DAB2: variants seen among roughly 807,000 people sequenced by gnomAD.
The protein encoded by DAB2 is disabled homolog 2.
In DAB2, 28 loss-of-function variants were observed where a neutral mutation model predicts 71.6. That is an observed-to-expected ratio of 0.39 (90% CI 0.29 to 0.54). The LOEUF is 0.54. Ranked by LOEUF, DAB2 falls within the 20% of genes least tolerant of loss-of-function variation. The pLI is 0.68. For synonymous variants in DAB2, 345 were observed against 339.7 expected (o/e 1.02, Z -0.17); for missense variants, 867 against 928.8 (o/e 0.93, Z 0.86).
At chr5:39,386,083 C>CTTTCCA (rs1339694124) in intron 9 of DAB2, among the ~76,000 whole-genome samples, 15 of 152,198 alleles carry the variant, frequency 9.9e-5, no homozygotes, top group African/African-American at 3.6e-4. Context: ...CAGATCATGT[C>CTTTCCA]TTATATTCTT....
intron 7 of DAB2, 101 bp downstream of exon 7, chr5:39,388,991 AAACAC>A: frequency 7.5e-7 from 1 of 1,332,312 alleles, no homozygotes; most frequent in South Asian, 1.2e-5. Context: ...GAGAAGTCAT[AAACAC>A]ATAGTAATAA....
At chr5:39,399,547 A>C (rs974233374) in intron 1 of DAB2, among the ~76,000 whole-genome samples, 1 of 152,236 alleles carries the variant, frequency 6.6e-6, no homozygotes, top group Non-Finnish European at 1.5e-5. Flanking sequence ...GCTTCCATTT[A>C]AGTGAAGATC....
intron 1 of DAB2, among the ~76,000 whole-genome samples, chr5:39,418,597 G>T (rs1286770344): frequency 6.6e-6 from 1 of 152,144 alleles, no homozygotes; most frequent in Non-Finnish European, 1.5e-5. Flanking sequence ...CTCAGATGAG[G>T]TTTAAGTGGT....
In DAB2 at chr5:39,389,921, T is replaced by C. The variant is rs750647823; in HGVS notation, c.474A>G (p.Leu158=). Residue 158 remains leucine (L), a synonymous_variant, in exon 6 of 15, where the codon TTA becomes TTG. Coordinates refer to ENST00000320816, the MANE Select transcript of DAB2 (RefSeq NM_001343.4). ...AIKTGQQAEP[L]VVDLKDLFQV... Reference sequence around the variant, plus strand: ...GAAAAAGGTCTTTAAGATCAACAACTAATGGTTCAGCCTGCAGTAAGGGAA... The same window carrying C: ...GAAAAAGGTCTTTAAGATCAACAACCAATGGTTCAGCCTGCAGTAAGGGAA... 2 of 1,593,368 alleles carry C rather than the reference T, an allele frequency of 1.3e-6. No homozygotes were observed. The highest frequency in any genetic ancestry group is 1.7e-6 in the Non-Finnish European group (2 of 1,168,378).
At chr5:39,388,279 T>C (rs1484406231) in intron 9 of DAB2, 26 bp downstream of exon 9, 25 of 1,553,148 alleles carry the variant, frequency 1.6e-5, no homozygotes, top group Non-Finnish European at 2.0e-5. Flanking sequence ...TTTTATTACA[T>C]TGCAAATTTA....
chr5:39,410,420 A>C (rs951545463), intron 1 of DAB2, among the ~76,000 whole-genome samples: 15 of 152,200 alleles, frequency 9.9e-5, no homozygotes, highest in African/African-American at 3.4e-4. Context: ...AATATGAAGT[A>C]ATAGCCCATG....
chr5:39,423,067 A>C (rs972844674), intron 1 of DAB2, among the ~76,000 whole-genome samples: 16 of 152,160 alleles, frequency 1.1e-4, no homozygotes, highest in Admixed American at 7.2e-4. Flanking sequence ...TCTACCATCT[A>C]CTTATTCTGG....
intron 1 of DAB2, among the ~76,000 whole-genome samples, chr5:39,405,782 G>A (rs1298735776): frequency 1.3e-5 from 2 of 152,178 alleles, no homozygotes; most frequent in East Asian, 1.9e-4. Context: ...AAGTGATGTA[G>A]GGAAGAGAGA....
Position 39,383,190 on chromosome 5 carries a change from T to TTAAG in DAB2, c.765_768dup (p.Thr257LeufsTer22). 1 of 1,614,102 alleles carries TTAAG rather than the reference T, an allele frequency of 6.2e-7. No individual in the cohort carries two copies. The highest frequency in any genetic ancestry group is 1.1e-5 in the South Asian group (1 of 91,082). Reference sequence around the variant, plus strand: ...AGAGAACAGGAGGTGATGCCGTTTGTTAAGAATGGATTTTCTCTTAAAGAA... The same window carrying TTAAG: ...AGAGAACAGGAGGTGATGCCGTTTGTTAAGTAAGAATGGATTTTCTCTTAAAGAA... On this transcript the variant is annotated frameshift_variant, in exon 10 of 15. Transcript: ENST00000320816. LOFTEE classifies it high-confidence loss of function.
At position 39,389,943 on chromosome 5, in the gene DAB2, G is replaced by A; in HGVS notation, c.463-11C>T. ...AACTAATGGTTCAGCCTGCAGTAAG[G>A]GAAAGCACTGTTATCCGTATTTTAA... On this transcript the variant is annotated splice_polypyrimidine_tract_variant and intron_variant, in intron 5 of 14. Transcript: ENST00000320816. 2 of 1,528,716 alleles carry A rather than the reference G, an allele frequency of 1.3e-6. No homozygotes were observed. The allele number at this position is 1,528,716 out of a possible 1,614,324, so 94.7% of individuals were successfully genotyped here. A position where few individuals can be genotyped will look rare whatever the true frequency, so the allele number is the denominator to read the frequency against.
chr5:39,411,963 C>T (rs1755742551), intron 1 of DAB2, among the ~76,000 whole-genome samples: 1 of 151,994 alleles, frequency 6.6e-6, no homozygotes, highest in Non-Finnish European at 1.5e-5. Flanking sequence ...TGCATAGTAC[C>T]TCCAAAATAA....
intron 10 of DAB2, among the ~76,000 whole-genome samples, chr5:39,381,965 A>G (rs1350027018): frequency 6.6e-6 from 1 of 152,172 alleles, no homozygotes; most frequent in African/African-American, 2.4e-5. Flanking sequence ...TAAGCATCCT[A>G]AATATTTTTG....
intron 11 of DAB2, among the ~76,000 whole-genome samples, chr5:39,379,638 C>T (rs1327750538): frequency 6.6e-6 from 1 of 152,032 alleles, no homozygotes; most frequent in East Asian, 1.9e-4. Context: ...GGGTATAGAA[C>T]ATTAATTTTA....
intron 12 of DAB2, 22 bp from the exon 13 acceptor site, chr5:39,376,128 C>T (rs1579897287): frequency 6.3e-7 from 1 of 1,589,606 alleles, no homozygotes; most frequent in Admixed American, 1.7e-5. Context: ...AAAATCCAGG[C>T]AATCAGTAGA....
At chr5:39,399,826 A>G (rs1478430346) in intron 1 of DAB2, among the ~76,000 whole-genome samples, 1 of 152,244 alleles carries the variant, frequency 6.6e-6, no homozygotes, top group Non-Finnish European at 1.5e-5. Context: ...TTCAATTGCC[A>G]GCATGGTGGA....
At chr5:39,389,200 A>G in intron 6 of DAB2, 77 bp from the exon 7 acceptor site, 9 of 1,138,328 alleles carry the variant, frequency 7.9e-6, no homozygotes, top group Non-Finnish European at 1.2e-5. Flanking sequence ...AAGTATGCCT[A>G]TGGTTCACAG....
At chr5:39,410,459 C>G (rs3849761) in intron 1 of DAB2, among the ~76,000 whole-genome samples, 144,312 of 152,238 alleles carry the variant, frequency 0.95, 68,771 homozygotes, top group African/African-American at 0.99. Context: ...AAACCTTATA[C>G]TACTAGCCTG....
chr5:39,402,127 C>G (rs911152683), intron 1 of DAB2, among the ~76,000 whole-genome samples: 1 of 152,084 alleles, frequency 6.6e-6, no homozygotes. Flanking sequence ...ACCAAGAGAA[C>G]AGTATGGGGG....
intron 1 of DAB2, among the ~76,000 whole-genome samples, chr5:39,399,853 C>G (rs925213154): frequency 3.9e-5 from 6 of 152,178 alleles, no homozygotes; most frequent in Non-Finnish European, 8.8e-5. Flanking sequence ...TTAGTCTAGG[C>G]TTTATAGGGG....
Sources: gnomAD v4.1 joint callset for allele counts (sites outside exome capture counted in the v4.1 genomes callset) on GRCh38, gnomAD v4.1.1 for gene constraint, MANE v1.5 for transcripts, NCBI Gene and HGNC (gene_info 2026-07-23, HGNC 2026-07-21) for gene names.